Variants in XKR9 observed in about 807,000 individuals in gnomAD.
The protein encoded by XKR9 is XK-related protein 9.
Under a neutral mutation model 32.0 loss-of-function variants are expected in XKR9, and 32 were observed. That is an observed-to-expected ratio of 1.00 (90% CI 0.76 to 1.34). The LOEUF (loss-of-function observed/expected upper bound fraction) is 1.34, where lower values mean the gene tolerates loss of function less well. Among genes scored for constraint, XKR9 ranks in the 40% most tolerant of loss-of-function variants. The pLI is 0.00. For synonymous variants in XKR9, 168 were observed against 143.4 expected (o/e 1.17, Z -1.22); for missense variants, 546 against 429.7 (o/e 1.27, Z -2.39).
chr8:70,794,114 C>T (rs895510843), downstream of XKR9, among the ~76,000 whole-genome samples: 2 of 151,818 alleles, frequency 1.3e-5, no homozygotes, highest in South Asian at 2.1e-4. Flanking sequence ...TGTTTGATGC[C>T]TTTATAAATG....
the XKR9 span, among the ~76,000 whole-genome samples, chr8:71,027,239 C>T: frequency 5.3e-5 from 8 of 151,486 alleles, no homozygotes; most frequent in African/African-American, 1.9e-4. Context: ...ATGAATTAGT[C>T]ATTATCATTC....
the XKR9 span, among the ~76,000 whole-genome samples, chr8:70,884,933 T>C: frequency 6.6e-6 from 1 of 152,220 alleles, no homozygotes; most frequent in Admixed American, 6.5e-5. Context: ...GGGATTTTGA[T>C]TGTGATTGCA....
At chr8:70,808,657 C>T in the XKR9 span, among the ~76,000 whole-genome samples, 2 of 152,366 alleles carry the variant, frequency 1.3e-5, no homozygotes, top group East Asian at 3.9e-4. Context: ...GTATCCTGTG[C>T]ATGACTTGGA....
Position 70,744,163 on chromosome 8 carries a change from T to C in XKR9, n.352+37010T>C, listed in dbSNP as rs540413852. 2.4e-4 allele frequency among the ~76,000 whole-genome samples: 37 copies of C among 152,018 alleles called. 1 individual carries two copies. Among genetic ancestry groups the C allele is most frequent in the African/African-American group, 8.7e-4 (36 of 41,468 alleles). On this transcript the variant is annotated intron_variant and non_coding_transcript_variant, in intron 2 of 3. Coordinates refer to the XKR9 transcript ENST00000520273. ...CCATCTCTACTAAAAATACAAAAAT[T>C]AGCTAGGTGTGGTAGCAGGCGCCTC... is the stretch of plus-strand genomic sequence containing the variant.
intron 2 of XKR9, among the ~76,000 whole-genome samples, chr8:70,774,434 C>T (rs1807493470): frequency 6.6e-6 from 1 of 152,138 alleles, no homozygotes; most frequent in South Asian, 2.1e-4. Context: ...CTAGCCACTG[C>T]ACCTCGCTTC....
chr8:71,050,863 C>T, the XKR9 span, among the ~76,000 whole-genome samples: 3 of 152,182 alleles, frequency 2.0e-5, no homozygotes, highest in Admixed American at 1.3e-4. Flanking sequence ...GTTCTAGGAG[C>T]GATTCAGAAT....
chr8:70,815,630 A>T, the XKR9 span, among the ~76,000 whole-genome samples: 2 of 151,754 alleles, frequency 1.3e-5, no homozygotes, highest in Non-Finnish European at 2.9e-5. Context: ...GGTTCATGCC[A>T]TTCTCCTGCC....
chr8:70,741,473 A>G (rs1806981167), intron 2 of XKR9, among the ~76,000 whole-genome samples: 1 of 152,236 alleles, frequency 6.6e-6, no homozygotes, highest in African/African-American at 2.4e-5. Context: ...ACTGAGACAC[A>G]TGTAAGTGTA....
chr8:70,852,670 T>C, the XKR9 span, among the ~76,000 whole-genome samples: 1 of 152,232 alleles, frequency 6.6e-6, no homozygotes. Flanking sequence ...TATGCAGCCA[T>C]AAAAAGAATG....
At chr8:71,033,299 C>T in the XKR9 span, among the ~76,000 whole-genome samples, 2 of 152,024 alleles carry the variant, frequency 1.3e-5, no homozygotes, top group African/African-American at 4.8e-5. Flanking sequence ...TGTAAGAAAG[C>T]AATGATAATA....
At chr8:70,784,094 G>A (rs772727616) in intron 2 of XKR9, among the ~76,000 whole-genome samples, 3 of 152,136 alleles carry the variant, frequency 2.0e-5, no homozygotes, top group Non-Finnish European at 4.4e-5. Flanking sequence ...ATGCTGTTTT[G>A]ATTACTATGG....
chr8:70,767,022 A>G (rs774493136), intron 2 of XKR9, among the ~76,000 whole-genome samples: 26 of 152,126 alleles, frequency 1.7e-4, no homozygotes, highest in Non-Finnish European at 2.8e-4. Flanking sequence ...AGGATTTTTC[A>G]CATCAATGTT....
At chr8:70,897,085 A>G in the XKR9 span, among the ~76,000 whole-genome samples, 2 of 151,930 alleles carry the variant, frequency 1.3e-5, no homozygotes, top group Non-Finnish European at 2.9e-5. Flanking sequence ...TATCTCCATG[A>G]GTTCAATTGT....
the XKR9 span, among the ~76,000 whole-genome samples, chr8:71,038,301 C>T: frequency 6.7e-6 from 1 of 149,844 alleles, no homozygotes; most frequent in Non-Finnish European, 1.5e-5. Context: ...CTCTCTCTCT[C>T]TCTCTTTCTT....
the XKR9 span, among the ~76,000 whole-genome samples, chr8:70,919,520 G>C: frequency 2.6e-5 from 4 of 152,150 alleles, no homozygotes; most frequent in African/African-American, 9.7e-5. Flanking sequence ...ATATCCAGTA[G>C]GGTATTGCTC....
rs369388439 is a variant in XKR9 at position 70,776,923 on chromosome 8, T to TTCTCTCTCTCTCTCTCTCTCTC, written n.353-12412_353-12391dup. Reference sequence around the variant, plus strand: ...TGCATTTAGCAGGTTTTCTCTTTCTTTCTCTCTCTCTCTCTCTCTCTCTCT... The same window carrying TTCTCTCTCTCTCTCTCTCTCTC: ...TGCATTTAGCAGGTTTTCTCTTTCTTTCTCTCTCTCTCTCTCTCTCTCTCTCTCTCTCTCTCTCTCTCTCTCT... On this transcript the variant is annotated intron_variant and non_coding_transcript_variant, in intron 2 of 3. Transcript: ENST00000520273. Among the ~76,000 whole-genome samples, 17 of 59,612 alleles carry TTCTCTCTCTCTCTCTCTCTCTC rather than the reference T, an allele frequency of 2.9e-4. 1 individual carries two copies. Among genetic ancestry groups the TTCTCTCTCTCTCTCTCTCTCTC allele is most frequent in the Admixed American group, 6.0e-4 (3 of 5,012 alleles). The allele number at this position is 59,612 out of a possible 152,430, so 39.1% of individuals were successfully genotyped here.
the XKR9 span, among the ~76,000 whole-genome samples, chr8:70,826,594 T>C: frequency 6.6e-6 from 1 of 152,178 alleles, no homozygotes; most frequent in African/African-American, 2.4e-5. Context: ...CCTTTAAGAA[T>C]TGTAATAGCT....
At chr8:70,690,421 C>G (rs1819472045) in intron 3 of XKR9, among the ~76,000 whole-genome samples, 1 of 152,016 alleles carries the variant, frequency 6.6e-6, no homozygotes, top group African/African-American at 2.4e-5. Flanking sequence ...CCTCCGCCTC[C>G]CAGGTTCGAG....
intron 4 of XKR9, among the ~76,000 whole-genome samples, chr8:70,720,019 C>G (rs1167862727): frequency 6.6e-6 from 1 of 151,974 alleles, no homozygotes; most frequent in Non-Finnish European, 1.5e-5. Flanking sequence ...CTTTGCATGC[C>G]TTGTAAATTG....
Sources: allele counts gnomAD v4.1 joint callset (sites outside exome capture counted in the v4.1 genomes callset), GRCh38; gene constraint gnomAD v4.1.1; transcripts MANE v1.5; gene names NCBI Gene and HGNC (gene_info 2026-07-23, HGNC 2026-07-21).